LRRK2: variants seen among roughly 807,000 people sequenced by gnomAD.
The protein encoded by LRRK2 is leucine-rich repeat serine/threonine-protein kinase 2.
A neutral mutation model predicts 302.6 loss-of-function variants in LRRK2; 203 were observed. The ratio of observed to expected loss-of-function variants is 0.67; its 90% CI spans 0.60 to 0.75. The LOEUF is 0.75. LRRK2 is among the 30% of genes least tolerant of loss of function. LRRK2 has a pLI of 0.00. For missense variants in LRRK2, 2,830 were observed against 2,951.0 expected (o/e 0.96, Z 0.95); for synonymous variants, 1,066 against 1,031.9 (o/e 1.03, Z -0.63).
chr12:40,311,687 G>A (rs914591011), intron 31 of LRRK2, among the ~76,000 whole-genome samples: 1 of 152,138 alleles, frequency 6.6e-6, no homozygotes, highest in African/African-American at 2.4e-5. Context: ...TATAGATTAT[G>A]TGTGCTTCAC....
At chr12:40,288,184 A>T (rs903555993) in intron 20 of LRRK2, among the ~76,000 whole-genome samples, 1 of 151,756 alleles carries the variant, frequency 6.6e-6, no homozygotes, top group Non-Finnish European at 1.5e-5. Flanking sequence ...GAGGGCAAAA[A>T]ATGAGAGTTG....
intron 13 of LRRK2, among the ~76,000 whole-genome samples, chr12:40,263,536 C>T (rs1325745773): frequency 1.3e-5 from 2 of 152,130 alleles, no homozygotes; most frequent in Non-Finnish European, 2.9e-5. Context: ...ATTTCTTCAC[C>T]ATCGTAATTT....
rs537669036 is a variant in LRRK2, at chr12:40,265,129, C to T, written c.1656+1228C>T. ...CTATAATATGTTTGAGTCATTTATA[C>T]TCAAACTTTAATACAATCCTTGAGT... On this transcript the variant is annotated intron_variant, in intron 14 of 50. Transcript: ENST00000298910. Among the ~76,000 whole-genome samples the T allele has an allele frequency of 2.0e-5, 3 of 152,202 alleles. No homozygotes were observed. In the South Asian group the frequency reaches 6.2e-4, roughly 32 times the overall value.
chr12:40,322,589 T>C lies in LRRK2; in HGVS notation c.5509+79T>C, dbSNP rs75488001. On this transcript the variant is annotated intron_variant, in intron 37 of 50. Coordinates refer to ENST00000298910, the MANE Select transcript of LRRK2 (RefSeq NM_198578.4). ...AAGTGACTTTTAATAAATGTAAATA[T>C]TCTTATCCATAAGGGATGAGTTGAA... 7.5e-5 allele frequency: 98 copies of C among 1,298,168 alleles called. No homozygotes were observed. The East Asian group carries it at 2.2e-3, about 29-fold the overall frequency. The allele number at this position is 1,298,168 out of a possible 1,614,324, so 80.4% of individuals were successfully genotyped here.
Position 40,277,915 on chromosome 12 carries a change from A to C in LRRK2, c.1969A>C (p.Lys657Gln), listed in dbSNP as rs775376918. The change falls in exon 17 of 51, where the codon AAA (lysine) becomes CAA (glutamine). Residue 657 changes from lysine to glutamine, a missense_variant. Physicochemically the swap from Lys to Gln is moderately conservative, Grantham distance 53. Around this residue, in one of 3 missense-constraint regions of LRRK2, gnomAD observed 2,121 missense variants for 2,148.0 expected, o/e 0.99. Coordinates refer to ENST00000298910, the MANE Select transcript of LRRK2 (RefSeq NM_198578.4). The stretch of plus-strand genomic sequence containing the variant: ...ATTTCAGACAATCTTAGCAATCCTC[A>C]AATTGTCAGCATCTTTTTCTAAGCT... ...KGFQTILAILKLSASFSKLLV... is the reference protein window; with the variant it reads ...KGFQTILAILQLSASFSKLLV... The C allele has an allele frequency of 6.2e-7, 1 of 1,611,228 alleles. No individual in the cohort carries two copies. The highest frequency in any genetic ancestry group is 1.3e-5 in the African/African-American group (1 of 74,942).
chr12:40,298,187 T>C, intron 23 of LRRK2, 56 bp from the exon 24 acceptor site: 2 of 1,586,442 alleles, frequency 1.3e-6, no homozygotes, highest in Non-Finnish European at 1.7e-6. Context: ...AAATATTAGC[T>C]AGACTTAAGT....
At chr12:40,355,688 G>A (rs756414131) in intron 45 of LRRK2, among the ~76,000 whole-genome samples, 7 of 151,742 alleles carry the variant, frequency 4.6e-5, no homozygotes, top group South Asian at 2.1e-4. Flanking sequence ...GATTACAGGC[G>A]TGCACCACCA....
At chr12:40,274,561 G>A (rs1340555802) in intron 14 of LRRK2, 22 bp from the exon 15 acceptor site, 13 of 1,612,310 alleles carry the variant, frequency 8.1e-6, no homozygotes, top group Non-Finnish European at 1.1e-5. Context: ...ATTTTTAACA[G>A]CGAGTATTCT....
In LRRK2 at chr12:40,287,465, T is replaced by G. The variant is rs200280257; in HGVS notation, c.2615T>G (p.Phe872Cys). Residue 872 changes from phenylalanine (F) to cysteine (C), a missense_variant, in exon 20 of 51, where the codon TTT (phenylalanine) becomes TGT (cysteine). Phe to Cys is a radical substitution (Grantham distance 205). Coordinates refer to ENST00000298910, the MANE Select transcript of LRRK2 (RefSeq NM_198578.4). Reference protein sequence around the residue: ...GNFSEDVLSKFDEWTFIPDSS... With the variant: ...GNFSEDVLSKCDEWTFIPDSS... ...TTTTCTGAAGATGTGCTGTCTAAATTTGATGAATGGACCTTTATTCCTGAC... is the reference window on the plus strand; with the variant it reads ...TTTTCTGAAGATGTGCTGTCTAAATGTGATGAATGGACCTTTATTCCTGAC... 22 of 1,612,700 alleles carry G rather than the reference T, an allele frequency of 1.4e-5. No homozygotes were observed. Among genetic ancestry groups the G allele is most frequent in the Non-Finnish European group, 1.9e-5 (22 of 1,179,150 alleles).
chr12:40,363,873 A>T lies in LRRK2; in HGVS notation c.7181+319A>T, dbSNP rs1208273445. Among the ~76,000 whole-genome samples the T allele has an allele frequency of 5.9e-5, 9 of 152,144 alleles. No homozygotes were observed. The East Asian group carries it at 1.7e-3, about 29-fold the overall frequency. On this transcript the variant is annotated intron_variant, in intron 48 of 50. Transcript: ENST00000298910. Reference sequence around the variant, plus strand: ...TGACATAGTTCTGTCACAGTGTCAAATATACTATTTATAATTAAATTATGG... The same window carrying T: ...TGACATAGTTCTGTCACAGTGTCAATTATACTATTTATAATTAAATTATGG...
chr12:40,332,303 G>T (rs1220597024), intron 39 of LRRK2, among the ~76,000 whole-genome samples: 1 of 152,174 alleles, frequency 6.6e-6, no homozygotes, highest in Non-Finnish European at 1.5e-5. Context: ...AAAGGAAGGG[G>T]AATATACACT....
In LRRK2 at chr12:40,274,802, A is replaced by G. The variant is rs1943379311; in HGVS notation, c.1802-52A>G. 3 of 1,609,014 alleles carry G rather than the reference A, an allele frequency of 1.9e-6. No individual in the cohort carries two copies. The South Asian group carries it at 3.3e-5, about 18-fold the overall frequency. On this transcript the variant is annotated intron_variant, in intron 15 of 50. Transcript: ENST00000298910. ...AGCTGGTGACTGGATGTCTTTAAATATTTTTCTTCAGTTTTGAGATTTAAA... is the reference window on the plus strand; with the variant it reads ...AGCTGGTGACTGGATGTCTTTAAATGTTTTTCTTCAGTTTTGAGATTTAAA...
chr12:40,308,970 T>C (rs1944934466), intron 29 of LRRK2, 136 bp from the exon 30 acceptor site: 3 of 1,064,126 alleles, frequency 2.8e-6, no homozygotes, highest in Admixed American at 2.5e-5. Flanking sequence ...AATAGTTCTC[T>C]AAACATGGTC....
chr12:40,247,098 G>A (rs774153001), intron 7 of LRRK2, among the ~76,000 whole-genome samples: 4 of 151,988 alleles, frequency 2.6e-5, no homozygotes, highest in Non-Finnish European at 1.5e-5. Context: ...AAATTTTGAG[G>A]AAAATCATTA....
At chr12:40,276,268 G>A (rs1452321118) in intron 16 of LRRK2, among the ~76,000 whole-genome samples, 1 of 152,050 alleles carries the variant, frequency 6.6e-6, no homozygotes, top group Non-Finnish European at 1.5e-5. Flanking sequence ...AATCTGGCCT[G>A]CCAACATATT....
intron 7 of LRRK2, among the ~76,000 whole-genome samples, chr12:40,249,510 A>G (rs1167337222): frequency 6.6e-6 from 1 of 152,160 alleles, no homozygotes; most frequent in African/African-American, 2.4e-5. Context: ...ATTTTACACA[A>G]TGAATATTGT....
In LRRK2 at chr12:40,225,879, A is replaced by G. The variant is rs1491944; in HGVS notation, c.237+239A>G. Among the ~76,000 whole-genome samples the G allele has an allele frequency of 9.2e-3, 1,403 of 152,250 alleles. 25 individuals carry two copies. The highest frequency in any genetic ancestry group is 0.032 in the African/African-American group (1,328 of 41,526). On this transcript the variant is annotated intron_variant, in intron 2 of 50. Transcript: ENST00000298910. ...GAAGTAACTTTATAAAACCAACAGT[A>G]TGGATGGTGGTAGAAGGAGGATAAA...
chr12:40,237,224 G>T (rs746122378), intron 4 of LRRK2, among the ~76,000 whole-genome samples: 1 of 152,166 alleles, frequency 6.6e-6, no homozygotes, highest in African/African-American at 2.4e-5. Context: ...TGTGTGAAAG[G>T]TCTTGTTTTT....
chr12:40,324,181 G>A (rs1269777615), intron 38 of LRRK2, among the ~76,000 whole-genome samples: 1 of 152,042 alleles, frequency 6.6e-6, no homozygotes. Flanking sequence ...GCGATGCTGT[G>A]ATCTGTCTGG....
Sources: allele counts gnomAD v4.1 joint callset (sites outside exome capture counted in the v4.1 genomes callset), GRCh38; gene constraint gnomAD v4.1.1; regional missense constraint gnomAD v4.1.1; transcripts MANE v1.5; gene names NCBI Gene and HGNC (gene_info 2026-07-23, HGNC 2026-07-21).